The following PRKAR1A variants were observed in gnomAD, a reference collection of about 807,000 sequenced individuals.
PRKAR1A encodes the protein cAMP-dependent protein kinase type I-alpha regulatory subunit.
Under a neutral mutation model 52.0 loss-of-function variants are expected in PRKAR1A, and 3 were observed. The ratio of observed to expected loss-of-function variants is 0.06; its 90% CI spans 0.03 to 0.15. The LOEUF is 0.15. Ranked by LOEUF, PRKAR1A falls within the 10% of genes least tolerant of loss-of-function variation. The pLI, the probability that PRKAR1A is intolerant of heterozygous loss-of-function variation, is 1.00. For missense variants in PRKAR1A, 240 were observed against 477.4 expected (o/e 0.50, Z 4.63); for synonymous variants, 188 against 168.4 (o/e 1.12, Z -0.90).
rs753132724 is a variant in PRKAR1A, at chr17:68,528,901, A to G, written c.801A>G (p.Val267=). ...TGGACAAGTGGGAACGTCTTACGGT[A>G]GCTGATGCATTGGAACCAGTGCAGT... ...ESLDKWERLT[V]ADALEPVQFE... Residue 267 remains valine, a synonymous_variant, in exon 9 of 11, where the codon GTA becomes GTG. Transcript: ENST00000589228. 11 of 1,613,858 alleles carry G rather than the reference A, an allele frequency of 6.8e-6. No individual in the cohort carries two copies. The East Asian group carries it at 2.2e-4, about 33-fold the overall frequency.
At chr17:68,537,659 G>C, downstream of PRKAR1A, 1 of 1,613,842 alleles carries the variant, frequency 6.2e-7, no homozygotes, top group East Asian at 2.2e-5. This position sits in a 1 kb window ranked among gnomAD's most constrained non-coding sequence, Gnocchi z 4.2. Context: ...TGGTCTTCCA[G>C]CAGTGATTCT....
At chr17:68,451,982 A>G in the PRKAR1A span, among the ~76,000 whole-genome samples, 1 of 152,262 alleles carries the variant, frequency 6.6e-6, no homozygotes, top group Admixed American at 6.5e-5. Context: ...TGTAATAACA[A>G]TAACATCTTA....
the PRKAR1A span, chr17:68,421,318 G>A: frequency 6.3e-5 from 10 of 158,996 alleles, no homozygotes; most frequent in Admixed American, 6.1e-4. Context: ...TCCAAAATGG[G>A]ACTCCCAAGT....
the PRKAR1A span, among the ~76,000 whole-genome samples, chr17:68,463,377 G>C: frequency 2.0e-5 from 3 of 152,188 alleles, no homozygotes; most frequent in African/African-American, 7.2e-5. Context: ...GAGAAGTTTG[G>C]AAGGAGTTTG....
the PRKAR1A span, among the ~76,000 whole-genome samples, chr17:68,480,761 G>A: frequency 0.011 from 1,716 of 152,252 alleles, 36 homozygotes; most frequent in African/African-American, 0.038. Context: ...TGTTCCCCAG[G>A]CTGGTCTCGA....
In PRKAR1A at chr17:68,531,358, TCTC is replaced by T. The variant is rs1257327026; in HGVS notation, c.*913_*915del. On this transcript the variant is annotated 3_prime_UTR_variant, in exon 11 of 11. Transcript: ENST00000589228. The stretch of plus-strand genomic sequence containing the variant: ...TGTCCTTCAGCTGACTCCAGTATAA[TCTC>T]CTCTGCTCATTAAACTGATTCCAGG... 9.4e-7 allele frequency: 1 copy of T among 1,065,870 alleles called. No individual in the cohort carries two copies. Among genetic ancestry groups the T allele is most frequent in the Non-Finnish European group, 1.1e-6 (1 of 879,534 alleles). The allele number at this position is 1,065,870 out of a possible 1,614,324, so 66.0% of individuals were successfully genotyped here. A position where few individuals can be genotyped will look rare whatever the true frequency, so the allele number is the denominator to read the frequency against.
chr17:68,457,521 G>A, the PRKAR1A span: 1 of 598,998 alleles, frequency 1.7e-6, no homozygotes, highest in Non-Finnish European at 2.0e-6. Context: ...GTCCTGCCCC[G>A]CCCCTACCCC....
intron 2 of PRKAR1A, among the ~76,000 whole-genome samples, chr17:68,516,099 A>G (rs913194756): frequency 6.6e-6 from 1 of 152,144 alleles, no homozygotes; most frequent in African/African-American, 2.4e-5. Context: ...CTGTAGAGAT[A>G]TTGATATTGA....
chr17:68,510,799 CT>C (rs901554404), upstream of PRKAR1A, among the ~76,000 whole-genome samples: 4 of 152,116 alleles, frequency 2.6e-5, no homozygotes, highest in African/African-American at 9.7e-5. Context: ...CCTGATTGCC[CT>C]TTTGATATCG....
At chr17:68,433,507 T>G in the PRKAR1A span, 2 of 1,614,064 alleles carry the variant, frequency 1.2e-6, no homozygotes. Flanking sequence ...GTGTACCGTC[T>G]CGGTGTTACT....
At chr17:68,427,054 GGAAGGGGAGGGAGCGTGCAGGGA>G in the PRKAR1A span, 12 of 1,183,504 alleles carry the variant, frequency 1.0e-5, no homozygotes, top group African/African-American at 3.0e-5. Flanking sequence ...CAGTGAAGGG[GGAAGGGGAGGGAGCGTGCAGGGA>G]GAAGGGGAGG....
Position 68,532,281 on chromosome 17 carries a change from TA to T in PRKAR1A, c.*1835del, listed in dbSNP as rs138320066. The stretch of plus-strand genomic sequence containing the variant: ...CTTTGTTTAAATGCCAAAATGTACT[TA>T]AATGAGTTACTTAGAATGCCATAAA... On this transcript the variant is annotated 3_prime_UTR_variant, in exon 11 of 11. Transcript: ENST00000589228. 22,982 of 1,046,360 alleles carry T rather than the reference TA, an allele frequency of 0.022. 291 individuals are homozygous for T. The highest frequency in any genetic ancestry group is 0.033 in the South Asian group (720 of 21,538). 64.8% of individuals were successfully genotyped at this position (1,046,360 alleles called of 1,614,324 possible). A position where few individuals can be genotyped will look rare whatever the true frequency, so the allele number is the denominator to read the frequency against.
the PRKAR1A span, chr17:68,427,334 A>C: frequency 2.8e-6 from 3 of 1,071,960 alleles, no homozygotes; most frequent in Non-Finnish European, 4.3e-6. Flanking sequence ...AAAAGCATGA[A>C]GAAGCCTGTG....
At chr17:68,529,490 CAG>C (rs2085897738) in intron 9 of PRKAR1A, among the ~76,000 whole-genome samples, 2 of 152,130 alleles carry the variant, frequency 1.3e-5, no homozygotes, top group Admixed American at 6.5e-5. Context: ...TTATTTAAAT[CAG>C]GGGTCAGGAG....
In PRKAR1A at chr17:68,532,334, C is replaced by G. The variant is rs1043896648; in HGVS notation, c.*1885C>G. 13 of 1,054,040 alleles carry G rather than the reference C, an allele frequency of 1.2e-5. No individual in the cohort carries two copies. The highest frequency in any genetic ancestry group is 1.5e-5 in the Non-Finnish European group (13 of 869,016). 65.3% of individuals were successfully genotyped at this position (1,054,040 alleles called of 1,614,324 possible). On this transcript the variant is annotated 3_prime_UTR_variant, in exon 11 of 11. Transcript: ENST00000589228. ...TTGCAGTTTCATGTATGTATATAAT[C>G]ATGCTCATGTATATTTAGTTACGTA... is the stretch of plus-strand genomic sequence containing the variant.
At chr17:68,464,169 T>A in the PRKAR1A span, among the ~76,000 whole-genome samples, 1 of 152,196 alleles carries the variant, frequency 6.6e-6, no homozygotes, top group African/African-American at 2.4e-5. Flanking sequence ...ATTACTGACA[T>A]TGGCATATCT....
intron 11 of PRKAR1A, chr17:68,541,394 C>G: frequency 4.6e-6 from 1 of 219,308 alleles, no homozygotes; most frequent in Non-Finnish European, 9.3e-6. Flanking sequence ...CATTTTCATC[C>G]GAGGGCTCTT....
the PRKAR1A span, among the ~76,000 whole-genome samples, chr17:68,483,732 A>G: frequency 6.6e-6 from 1 of 151,766 alleles, no homozygotes; most frequent in East Asian, 2.0e-4. Flanking sequence ...GTGGTGGCGC[A>G]TGCCTGTAAT....
chr17:68,421,477 C>T, the PRKAR1A span: 2 of 392,426 alleles, frequency 5.1e-6, no homozygotes, highest in Admixed American at 3.8e-5. Flanking sequence ...AAAGGAGGCC[C>T]CTTTTAATAT....
Sources: allele counts gnomAD v4.1 joint callset (sites outside exome capture counted in the v4.1 genomes callset), GRCh38; gene constraint gnomAD v4.1.1; non-coding constraint Gnocchi (gnomAD v3.1); transcripts MANE v1.5; gene names NCBI Gene and HGNC (gene_info 2026-07-23, HGNC 2026-07-21).